TRMT1L: variants seen among roughly 807,000 people sequenced by gnomAD.
TRMT1L encodes tRNA (guanine(27)-N(2))-dimethyltransferase.
Under a neutral mutation model 81.6 loss-of-function variants are expected in TRMT1L, and 28 were observed. The observed-to-expected ratio is 0.34, with a 90% CI of 0.25 to 0.47. TRMT1L has a LOEUF of 0.47. Ranked by LOEUF, TRMT1L falls within the 20% of genes least tolerant of loss-of-function variation. The pLI, the probability that TRMT1L is intolerant of heterozygous loss-of-function variation, is 1.00. For missense variants in TRMT1L, 739 were observed against 877.1 expected (o/e 0.84, Z 1.99); for synonymous variants, 301 against 303.2 (o/e 0.99, Z 0.07).
Position 185,123,916 on chromosome 1 carries a change from T to G in TRMT1L, c.1763A>C (p.Glu588Ala), listed in dbSNP as rs374273780. 4.7e-6 allele frequency: 7 copies of G among 1,485,208 alleles called. No homozygotes were observed. The highest frequency in any genetic ancestry group is 6.3e-6 in the Non-Finnish European group (7 of 1,107,778). The allele number at this position is 1,485,208 out of a possible 1,614,324, so 92.0% of individuals were successfully genotyped here. A position where few individuals can be genotyped will look rare whatever the true frequency, so the allele number is the denominator to read the frequency against. The change falls in exon 13 of 15, where the codon GAA becomes GCA. Residue 588 changes from glutamate (E) to alanine (A), a missense_variant. Glu to Ala is a moderately radical substitution (Grantham distance 107). Coordinates refer to ENST00000367506, the MANE Select transcript of TRMT1L (RefSeq NM_030934.5). ...HASSNVNKQE[E>A]NGVFIKTTDD... The stretch of plus-strand genomic sequence containing the variant: ...TGTAGTTTTAATAAATACACCATTT[T>G]CTTCTAAAAAATAAAGCAAATGGGA...
intron 13 of TRMT1L, among the ~76,000 whole-genome samples, chr1:185,122,527 T>C (rs1357455349): frequency 1.3e-5 from 2 of 152,234 alleles, no homozygotes; most frequent in East Asian, 3.9e-4. Context: ...AGATTACAGG[T>C]GTGTGCTACT....
chr1:185,154,435 T>C (rs1305093287), intron 1 of TRMT1L, among the ~76,000 whole-genome samples: 2 of 152,224 alleles, frequency 1.3e-5, no homozygotes, highest in Non-Finnish European at 2.9e-5. Flanking sequence ...TAATGAGATA[T>C]AATTTCTATA....
chr1:185,137,073 A>C (rs1260413812), intron 10 of TRMT1L, among the ~76,000 whole-genome samples: 1 of 152,196 alleles, frequency 6.6e-6, no homozygotes, highest in East Asian at 1.9e-4. Context: ...ATAAAATACC[A>C]AGAACCTAAC....
chr1:185,137,864 A>G (rs1400201585), intron 9 of TRMT1L, 68 bp from the exon 10 acceptor site: 26 of 1,493,308 alleles, frequency 1.7e-5, no homozygotes, highest in Non-Finnish European at 2.3e-5. Context: ...TATACTGACA[A>G]TATTAACCTG....
chr1:185,150,116 A>G (rs1413051667), intron 3 of TRMT1L, among the ~76,000 whole-genome samples: 1 of 152,218 alleles, frequency 6.6e-6, no homozygotes, highest in Non-Finnish European at 1.5e-5. Flanking sequence ...ATTGTTCAAG[A>G]AGCAAAATGG....
intron 4 of TRMT1L, among the ~76,000 whole-genome samples, chr1:185,146,255 A>G (rs1343994427): frequency 6.6e-6 from 1 of 152,034 alleles, no homozygotes; most frequent in Admixed American, 6.6e-5. Flanking sequence ...TGGAAATTTG[A>G]GCCAGCTCCA....
At chr1:185,150,780 C>T (rs568022808) in intron 2 of TRMT1L, among the ~76,000 whole-genome samples, 12 of 152,270 alleles carry the variant, frequency 7.9e-5, no homozygotes, top group African/African-American at 2.6e-4. Flanking sequence ...GACATCCTTC[C>T]GGCCAAATTT....
In TRMT1L at chr1:185,140,182, T is replaced by G. The variant is rs202141542; in HGVS notation, c.900A>C (p.Ala300=). ...GLQWAKHLGN[A]VKVTINDLNE... Reference sequence around the variant, plus strand: ...TCAAGTCATTGATTGTAACTTTGACTGCATTTCCAAGATGTTTTGCCCACT... The same window carrying G: ...TCAAGTCATTGATTGTAACTTTGACGGCATTTCCAAGATGTTTTGCCCACT... The change falls in exon 8 of 15, where the codon GCA becomes GCC. Residue 300 remains alanine, a synonymous_variant. Coordinates refer to ENST00000367506, the MANE Select transcript of TRMT1L (RefSeq NM_030934.5). The G allele has an allele frequency of 6.2e-7, 1 of 1,613,720 alleles. No individual in the cohort carries two copies. The highest frequency in any genetic ancestry group is 8.5e-7 in the Non-Finnish European group (1 of 1,179,780).
Position 185,143,895 on chromosome 1 carries a change from A to T in TRMT1L, c.779+11T>A. 6.2e-7 allele frequency: 1 copy of T among 1,601,304 alleles called. No individual in the cohort carries two copies. The highest frequency in any genetic ancestry group is 8.5e-7 in the Non-Finnish European group (1 of 1,171,976). On this transcript the variant is annotated intron_variant, in intron 6 of 14. Coordinates refer to ENST00000367506, the MANE Select transcript of TRMT1L (RefSeq NM_030934.5). ...GAAACATCCCATAACCCTATTTTCA[A>T]TTTATCTTACCGATTTAGTTTCATT...
intron 10 of TRMT1L, among the ~76,000 whole-genome samples, chr1:185,135,877 A>C (rs1652888242): frequency 6.6e-6 from 1 of 152,188 alleles, no homozygotes; most frequent in South Asian, 2.1e-4. Flanking sequence ...TATTAAAAAA[A>C]AACCTGACAA....
intron 1 of TRMT1L, among the ~76,000 whole-genome samples, chr1:185,152,669 A>T (rs976692431): frequency 7.9e-5 from 12 of 152,236 alleles, no homozygotes; most frequent in Non-Finnish European, 1.5e-4. Context: ...AGGTTAAAAA[A>T]ATAAGCAACA....
At chr1:185,131,472 T>G (rs1652769269) in intron 10 of TRMT1L, among the ~76,000 whole-genome samples, 1 of 152,010 alleles carries the variant, frequency 6.6e-6, no homozygotes, top group Non-Finnish European at 1.5e-5. Context: ...AAAACCCCTA[T>G]TCTCCCCTAA....
At position 185,120,186 on chromosome 1, in the gene TRMT1L, C is replaced by T; in HGVS notation, c.2035G>A (p.Ala679Thr). Residue 679 changes from alanine to threonine, a missense_variant, in exon 15 of 15, where the codon GCA becomes ACA. Transcript: ENST00000367506. ...ATAGATTTAAACTGCATCAGAGGTG[C>T]ATCTGTGCGTACACCCATTGGGTCA... ...HFDPMGVRTD[A>T]PLMQFKSILL... The T allele has an allele frequency of 6.2e-7, 1 of 1,613,942 alleles. No homozygotes were observed. Among genetic ancestry groups the T allele is most frequent in the Non-Finnish European group, 8.5e-7 (1 of 1,179,904 alleles).
At chr1:185,150,322 G>T in intron 3 of TRMT1L, 57 bp downstream of exon 3, 1 of 1,250,352 alleles carries the variant, frequency 8.0e-7, no homozygotes, top group Non-Finnish European at 1.1e-6. Flanking sequence ...TGCCAAAACT[G>T]GTAATAAATG....
Position 185,120,177 on chromosome 1 carries a change from T to A in TRMT1L, c.2044A>T (p.Met682Leu). The A allele has an allele frequency of 6.2e-7, 1 of 1,613,946 alleles. No homozygotes were observed. The highest frequency in any genetic ancestry group is 1.1e-5 in the South Asian group (1 of 91,058). Residue 682 changes from methionine to leucine, a missense_variant, in exon 15 of 15, where the codon ATG becomes TTG. Met to Leu is a conservative substitution (Grantham distance 15, BLOSUM62 2). Transcript: ENST00000367506. ...TTTAAAAGGATAGATTTAAACTGCA[T>A]CAGAGGTGCATCTGTGCGTACACCC... The part of the protein sequence containing the change: ...PMGVRTDAPL[M>L]QFKSILLKYS...
At chr1:185,138,701 A>C (rs1417902613) in intron 9 of TRMT1L, among the ~76,000 whole-genome samples, 1 of 152,220 alleles carries the variant, frequency 6.6e-6, no homozygotes, top group Non-Finnish European at 1.5e-5. Context: ...CCATTTTGTA[A>C]GACCATTTTG....
intron 13 of TRMT1L, among the ~76,000 whole-genome samples, chr1:185,121,443 TAA>T (rs879814063): frequency 6.9e-6 from 1 of 144,324 alleles, no homozygotes; most frequent in Admixed American, 6.9e-5. Flanking sequence ...CCCTGTCTCT[TAA>T]AAAAAAAAAA....
intron 11 of TRMT1L, among the ~76,000 whole-genome samples, chr1:185,126,825 CCTCT>C (rs1182702201): frequency 3.9e-5 from 6 of 152,006 alleles, no homozygotes; most frequent in Non-Finnish European, 8.8e-5. Flanking sequence ...GATGAAACCC[CCTCT>C]CTATTAAAAA....
At chr1:185,155,530 ACTAT>A (rs770552552) in intron 1 of TRMT1L, among the ~76,000 whole-genome samples, 4 of 152,240 alleles carry the variant, frequency 2.6e-5, no homozygotes, top group Admixed American at 1.3e-4. Flanking sequence ...CCTATCTATA[ACTAT>A]CTAACCTTTT....
Sources: allele counts gnomAD v4.1 joint callset (sites outside exome capture counted in the v4.1 genomes callset), GRCh38; gene constraint gnomAD v4.1.1; transcripts MANE v1.5; gene names NCBI Gene and HGNC (gene_info 2026-07-23, HGNC 2026-07-21).